PPP4R1: variants seen among roughly 807,000 people sequenced by gnomAD.
PPP4R1 encodes serine/threonine-protein phosphatase 4 regulatory subunit 1.
In PPP4R1, 42 loss-of-function variants were observed where a neutral mutation model predicts 111.2. That is an observed-to-expected ratio of 0.38 (90% CI 0.29 to 0.49). PPP4R1 has a LOEUF of 0.49. Ranked by LOEUF, PPP4R1 falls within the 20% of genes least tolerant of loss-of-function variation. The pLI is 0.97. For missense variants in PPP4R1, 1,012 were observed against 1,161.6 expected (o/e 0.87, Z 1.87); for synonymous variants, 409 against 405.5 (o/e 1.01, Z -0.10).
intron 2 of PPP4R1, among the ~76,000 whole-genome samples, chr18:9,603,722 G>T (rs62088885): frequency 0.17 from 25,131 of 151,880 alleles, 2,907 homozygotes; most frequent in African/African-American, 0.33. Flanking sequence ...TAGGCTCAAG[G>T]GATCCTCCTG....
chr18:9,557,055 T>A (rs2066599186), intron 15 of PPP4R1, 166 bp downstream of exon 15: 1 of 581,796 alleles, frequency 1.7e-6, no homozygotes, highest in Non-Finnish European at 2.9e-6. Flanking sequence ...AGTGAGAGTA[T>A]AATTATGGGA....
At chr18:9,554,450 AT>A (rs1300209013) in intron 15 of PPP4R1, among the ~76,000 whole-genome samples, 1 of 152,094 alleles carries the variant, frequency 6.6e-6, no homozygotes, top group Non-Finnish European at 1.5e-5. Flanking sequence ...TTACACATTA[AT>A]GTTACTAAGA....
upstream of PPP4R1, chr18:9,614,799 C>T (rs1043363365): frequency 2.0e-5 from 3 of 149,012 alleles, no homozygotes; most frequent in Admixed American, 1.3e-4. The surrounding 1 kb of genome is among the most constrained non-coding windows in gnomAD (Gnocchi z 4.1). Context: ...CGCTCACACC[C>T]TCCTCCCGAG....
In PPP4R1 at chr18:9,562,612, T is replaced by A. The variant is rs1333006497; in HGVS notation, c.1747-537A>T. The stretch of plus-strand genomic sequence containing the variant: ...TCCAAAGCAGTGGTATTATACAGAT[T>A]TCTAACTATACCACATGCCATCCAA... On this transcript the variant is annotated intron_variant, in intron 12 of 19. Coordinates refer to ENST00000400556, the MANE Select transcript of PPP4R1 (RefSeq NM_001042388.3). Among the ~76,000 whole-genome samples, 4 of 152,162 alleles carry A rather than the reference T, an allele frequency of 2.6e-5. No individual in the cohort carries two copies. In the South Asian group the frequency reaches 8.3e-4, roughly 32 times the overall value.
intron 15 of PPP4R1, among the ~76,000 whole-genome samples, chr18:9,555,990 AAACAAAC>A (rs1568086139): frequency 1.5e-4 from 11 of 73,070 alleles, no homozygotes; most frequent in Admixed American, 6.0e-4. Flanking sequence ...ACAAACAAAC[AAACAAAC>A]AAAAAAACAC....
At chr18:9,575,799 G>T (rs566680397) in intron 10 of PPP4R1, among the ~76,000 whole-genome samples, 20 of 151,914 alleles carry the variant, frequency 1.3e-4, no homozygotes, top group African/African-American at 4.8e-4. Context: ...TTGTGAAACA[G>T]AAGAAAGTTT....
Position 9,570,671 on chromosome 18 carries a change from T to G in PPP4R1, c.1059A>C (p.Gln353His). ...SVENKNRTRD[Q>H]EAPEDVQVRP... ...TGACTTGTACATCCTCTGGGGCTTCTTGATCTCTGGTCCTTTTATTGTTTT... is the reference window on the plus strand; with the variant it reads ...TGACTTGTACATCCTCTGGGGCTTCGTGATCTCTGGTCCTTTTATTGTTTT... Residue 353 changes from glutamine (Q) to histidine (H), a missense_variant, in exon 11 of 20, where the codon CAA becomes CAC. Coordinates refer to ENST00000400556, the MANE Select transcript of PPP4R1 (RefSeq NM_001042388.3). The G allele has an allele frequency of 6.4e-7, 1 of 1,553,110 alleles. No individual in the cohort carries two copies. Among genetic ancestry groups the G allele is most frequent in the Non-Finnish European group, 8.7e-7 (1 of 1,151,648 alleles).
At chr18:9,615,471 C>T (rs1480275521), upstream of PPP4R1, 1 of 152,254 alleles carries the variant, frequency 6.6e-6, no homozygotes, top group African/African-American at 2.4e-5. Context: ...CTATGATTCG[C>T]TTTGTCTTCT....
At position 9,614,369 on chromosome 18, in the gene PPP4R1, C is replaced by A; in HGVS notation, c.8-99G>T. On this transcript the variant is annotated intron_variant, in intron 1 of 19. Coordinates refer to ENST00000400556, the MANE Select transcript of PPP4R1 (RefSeq NM_001042388.3). This position sits in a 1 kb window ranked among gnomAD's most constrained non-coding sequence, Gnocchi z 4.1. ...TCCCCCCCGCCCCGGGGGCGCCTTC[C>A]CGCGCCGGGACCCCACGCCGGCCCC... The A allele has an allele frequency of 3.8e-6, 4 of 1,041,574 alleles. No individual in the cohort carries two copies. Among genetic ancestry groups the A allele is most frequent in the Non-Finnish European group, 4.6e-6 (4 of 861,820 alleles). 64.5% of individuals were successfully genotyped at this position (1,041,574 alleles called of 1,614,324 possible). A position where few individuals can be genotyped will look rare whatever the true frequency, so the allele number is the denominator to read the frequency against.
intron 13 of PPP4R1, 84 bp downstream of exon 13, chr18:9,561,892 TAAAG>T: frequency 9.3e-7 from 1 of 1,071,286 alleles, no homozygotes; most frequent in East Asian, 2.4e-5. Flanking sequence ...ACACTCATCA[TAAAG>T]AAGGGGCAAA....
At position 9,547,843 on chromosome 18, in the gene PPP4R1, A is replaced by C; in HGVS notation, c.2799T>G (p.Pro933=). 7 of 1,613,634 alleles carry C rather than the reference A, an allele frequency of 4.3e-6. No homozygotes were observed. The highest frequency in any genetic ancestry group is 5.9e-6 in the Non-Finnish European group (7 of 1,180,024). ...CATCTTCGGAGATTTTGGTACTGGCAGGGTGGATGCTTGCAAAATACTTGA... is the reference window on the plus strand; with the variant it reads ...CATCTTCGGAGATTTTGGTACTGGCCGGGTGGATGCTTGCAAAATACTTGA... The part of the protein sequence containing the change: ...SDVKYFASIH[P]ASTKISEDAM... The change falls in exon 20 of 20, where the codon CCT becomes CCG. Residue 933 remains proline, a synonymous_variant. Coordinates refer to ENST00000400556, the MANE Select transcript of PPP4R1 (RefSeq NM_001042388.3).
chr18:9,610,298 TA>T (rs2067555404), intron 2 of PPP4R1, among the ~76,000 whole-genome samples: 1 of 152,322 alleles, frequency 6.6e-6, no homozygotes, highest in African/African-American at 2.4e-5. Context: ...TAATTAAATA[TA>T]AAAAGTTAAA....
rs1396734906 is a variant in PPP4R1, at chr18:9,549,065, C to T, written c.2689+132G>A. The T allele has an allele frequency of 4.2e-6, 5 of 1,194,642 alleles. No homozygotes were observed. The East Asian group carries it at 1.2e-4, about 28-fold the overall frequency. 74.0% of individuals were successfully genotyped at this position (1,194,642 alleles called of 1,614,324 possible). A position where few individuals can be genotyped will look rare whatever the true frequency, so the allele number is the denominator to read the frequency against. On this transcript the variant is annotated intron_variant, in intron 19 of 19. Coordinates refer to ENST00000400556, the MANE Select transcript of PPP4R1 (RefSeq NM_001042388.3). Reference sequence around the variant, plus strand: ...CCTCTTGGGAGAATCACCGGAACAACTAAAGTATTTCCTTCCACCAGATTA... The same window carrying T: ...CCTCTTGGGAGAATCACCGGAACAATTAAAGTATTTCCTTCCACCAGATTA...
intron 16 of PPP4R1, among the ~76,000 whole-genome samples, chr18:9,552,893 C>A (rs923758891): frequency 6.6e-6 from 1 of 152,052 alleles, no homozygotes; most frequent in Non-Finnish European, 1.5e-5. Context: ...ATGAAGAAAC[C>A]AAGCACAAAA....
At chr18:9,586,770 A>G (rs2067123209) in intron 6 of PPP4R1, among the ~76,000 whole-genome samples, 1 of 152,130 alleles carries the variant, frequency 6.6e-6, no homozygotes. Context: ...ATATGAATAA[A>G]TTTCCAGACG....
At chr18:9,564,683 C>T (rs1235615604) in intron 11 of PPP4R1, among the ~76,000 whole-genome samples, 1 of 142,842 alleles carries the variant, frequency 7.0e-6, no homozygotes, top group African/African-American at 2.6e-5. Context: ...TGTTTTGTCC[C>T]ATATAAAGTG....
Position 9,614,230 on chromosome 18 carries a change from G to T in PPP4R1, c.48C>A (p.Asp16Glu). ...CCGCGAGGCCGGGCCACTCACATCC[G>T]TCTGCGTCCTCCTGCAGGTCCTCCT... ...LLQEDLQEDA[D>E]GFGVDDYSSE... is the part of the protein sequence containing the mutation. The change falls in exon 2 of 20, where the codon GAC becomes GAA. Residue 16 changes from aspartate (D) to glutamate (E), a missense_variant. Transcript: ENST00000400556. The surrounding 1 kb of genome is among the most constrained non-coding windows in gnomAD (Gnocchi z 4.1). 7.3e-7 allele frequency: 1 copy of T among 1,365,592 alleles called. No homozygotes were observed. Among genetic ancestry groups the T allele is most frequent in the Non-Finnish European group, 9.6e-7 (1 of 1,046,594 alleles). The allele number at this position is 1,365,592 out of a possible 1,614,324, so 84.6% of individuals were successfully genotyped here.
At chr18:9,607,695 T>G (rs756238628) in intron 2 of PPP4R1, among the ~76,000 whole-genome samples, 2 of 151,924 alleles carry the variant, frequency 1.3e-5, no homozygotes, top group Non-Finnish European at 2.9e-5. Flanking sequence ...ACAATGATGA[T>G]GAGGACCTGG....
chr18:9,548,885 T>A (rs2066443255), intron 19 of PPP4R1, among the ~76,000 whole-genome samples: 3 of 152,190 alleles, frequency 2.0e-5, no homozygotes, highest in South Asian at 4.1e-4. Flanking sequence ...ACCATTGCAC[T>A]CCAGCCTGGG....
Sources: allele counts gnomAD v4.1 joint callset (sites outside exome capture counted in the v4.1 genomes callset), GRCh38; gene constraint gnomAD v4.1.1; non-coding constraint Gnocchi (gnomAD v3.1); transcripts MANE v1.5; gene names NCBI Gene and HGNC (gene_info 2026-07-23, HGNC 2026-07-21).